Variants in PRKN observed in about 807,000 individuals in gnomAD.
PRKN encodes the protein parkin RBR E3 ubiquitin protein ligase, also known as E3 ubiquitin-protein ligase parkin.
PRKN carries 56 observed loss-of-function variants against 59.5 expected under a neutral mutation model. That is an observed-to-expected ratio of 0.94 (90% CI 0.76 to 1.18). PRKN has a LOEUF of 1.18. PRKN is among the 50% of genes most tolerant of loss of function. The pLI is 0.00. For synonymous variants in PRKN, 250 were observed against 222.1 expected, an observed-to-expected ratio of 1.13 and a Z score of -1.12; for missense variants, 657 against 596.4, an observed-to-expected ratio of 1.10 and a Z score of -1.06.
chr6:162,031,524 T>C (rs1446003837), intron 5 of PRKN, among the ~76,000 whole-genome samples: 1 of 147,162 alleles, frequency 6.8e-6, no homozygotes, highest in African/African-American at 2.7e-5. Flanking sequence ...CACTTTTCTT[T>C]TTCTTTTCTT....
Position 161,360,280 on chromosome 6 carries a change from T to A in PRKN, c.1168-75A>T. 1 of 1,172,544 alleles carries A rather than the reference T, an allele frequency of 8.5e-7. No individual in the cohort carries two copies. The highest frequency in any genetic ancestry group is 1.3e-6 in the Non-Finnish European group (1 of 776,900). 72.6% of individuals were successfully genotyped at this position (1,172,544 alleles called of 1,614,324 possible). On this transcript the variant is annotated intron_variant, in intron 10 of 11. Transcript: ENST00000366898. The surrounding 1 kb of genome is among the most constrained non-coding windows in gnomAD (Gnocchi z 5.1). ...GATCAGAGTTTATGTTCCCTGTACGTCGGTACAGGAAATTCTTGAAGACAG... is the reference window on the plus strand; with the variant it reads ...GATCAGAGTTTATGTTCCCTGTACGACGGTACAGGAAATTCTTGAAGACAG...
chr6:161,683,434 C>A (rs1482491767), intron 7 of PRKN, among the ~76,000 whole-genome samples: 7 of 152,218 alleles, frequency 4.6e-5, no homozygotes. Context: ...GTGGCAAGAG[C>A]TAGGCATCTC....
intron 1 of PRKN, among the ~76,000 whole-genome samples, chr6:162,547,495 C>G (rs757955946): frequency 3.3e-5 from 5 of 152,198 alleles, no homozygotes; most frequent in Non-Finnish European, 7.3e-5. Flanking sequence ...TTGAAGTAGG[C>G]AGCAATTCTT....
intron 6 of PRKN, among the ~76,000 whole-genome samples, chr6:161,944,438 C>T (rs1779707800): frequency 6.6e-6 from 1 of 151,698 alleles, no homozygotes; most frequent in South Asian, 2.1e-4. Context: ...TGCCTTGTTG[C>T]CCCATCACCA....
intron 3 of PRKN, among the ~76,000 whole-genome samples, chr6:162,241,481 G>A (rs1778988388): frequency 6.6e-6 from 1 of 152,008 alleles, no homozygotes; most frequent in Non-Finnish European, 1.5e-5. Flanking sequence ...GAATTAGAGA[G>A]GTTGTGATTG....
chr6:162,563,260 C>T (rs1025510921), intron 1 of PRKN, among the ~76,000 whole-genome samples: 15 of 151,472 alleles, frequency 9.9e-5, no homozygotes, highest in Admixed American at 2.6e-4. Context: ...GCTGAGATCG[C>T]GCCACTGCAC....
chr6:162,693,221 C>T (rs1026601349), intron 1 of PRKN, among the ~76,000 whole-genome samples: 1 of 152,068 alleles, frequency 6.6e-6, no homozygotes, highest in Non-Finnish European at 1.5e-5. Context: ...ATGTATGTGC[C>T]CAGCAGGGTC....
intron 10 of PRKN, among the ~76,000 whole-genome samples, chr6:161,382,255 G>A (rs1786026506): frequency 1.3e-5 from 2 of 152,132 alleles, no homozygotes; most frequent in African/African-American, 4.8e-5. Context: ...AAGCTTACAG[G>A]ATGTAGTGGG....
At chr6:161,963,980 G>A (rs1258150203) in intron 6 of PRKN, among the ~76,000 whole-genome samples, 1 of 152,056 alleles carries the variant, frequency 6.6e-6, no homozygotes, top group Non-Finnish European at 1.5e-5. Context: ...GGACAACAGC[G>A]AGTTCAACTT....
intron 6 of PRKN, among the ~76,000 whole-genome samples, chr6:161,924,012 G>C (rs1248006772): frequency 6.6e-6 from 1 of 152,106 alleles, no homozygotes; most frequent in East Asian, 1.9e-4. Context: ...TCTGTGTCTG[G>C]ACTTGAATCC....
At chr6:162,193,961 A>C (rs759448983) in intron 4 of PRKN, among the ~76,000 whole-genome samples, 3 of 152,222 alleles carry the variant, frequency 2.0e-5, no homozygotes, top group East Asian at 1.9e-4. Flanking sequence ...TATAAAATAC[A>C]GAAGATCCTA....
chr6:162,645,175 T>A (rs1047353466), intron 1 of PRKN, among the ~76,000 whole-genome samples: 1 of 152,210 alleles, frequency 6.6e-6, no homozygotes, highest in East Asian at 1.9e-4. Context: ...TATTGAATAC[T>A]GACAGCCTAA....
intron 7 of PRKN, among the ~76,000 whole-genome samples, chr6:161,614,894 A>C (rs7773136): frequency 0.73 from 111,035 of 151,898 alleles, 41,813 homozygotes; most frequent in African/African-American, 0.93. Context: ...GACCTCCCAG[A>C]ATTTCCTCCT....
intron 4 of PRKN, among the ~76,000 whole-genome samples, chr6:162,162,819 C>T (rs1297358180): frequency 1.3e-5 from 2 of 148,640 alleles, no homozygotes; most frequent in East Asian, 3.9e-4. Flanking sequence ...ACCAGCCTGG[C>T]CAATATGGTG....
rs1777759784 is a variant in PRKN, at chr6:162,054,104, G to A, written c.605C>T (p.Pro202Leu). 1 of 1,608,262 alleles carries A rather than the reference G, an allele frequency of 6.2e-7. No individual in the cohort carries two copies. Among genetic ancestry groups the A allele is most frequent in the African/African-American group, 1.3e-5 (1 of 74,886 alleles). Residue 202 changes from proline to leucine, a missense_variant, in exon 5 of 12, where the codon CCT becomes CTT. Pro to Leu is a moderately conservative substitution (Grantham distance 98, BLOSUM62 -3). Transcript: ENST00000366898. ...MSGECQSPHC[P>L]GTSAEFFFKC... Reference sequence around the variant, plus strand: ...CCAGGTACTTACTGCACTAGTCCCAGGGCAGTGTGGGGATTGGCATTCACC... The same window carrying A: ...CCAGGTACTTACTGCACTAGTCCCAAGGCAGTGTGGGGATTGGCATTCACC...
At chr6:161,645,986 C>T (rs1216619473) in intron 7 of PRKN, among the ~76,000 whole-genome samples, 1 of 126,432 alleles carries the variant, frequency 7.9e-6, no homozygotes, top group East Asian at 2.3e-4. Flanking sequence ...ACTGCGTGTG[C>T]GTGCGTGGCG....
intron 4 of PRKN, among the ~76,000 whole-genome samples, chr6:162,085,136 C>T (rs775342162): frequency 6.8e-6 from 1 of 147,838 alleles, no homozygotes; most frequent in South Asian, 2.2e-4. Flanking sequence ...GAGGAAAAAC[C>T]CAAATGGGAC....
At chr6:162,164,222 ATTTG>A (rs1304108046) in intron 4 of PRKN, among the ~76,000 whole-genome samples, 1 of 148,718 alleles carries the variant, frequency 6.7e-6, no homozygotes, top group Non-Finnish European at 1.5e-5. Flanking sequence ...CAACCTGTGT[ATTTG>A]TTTATTTGTT....
chr6:161,806,781 G>A (rs923344288), intron 6 of PRKN, among the ~76,000 whole-genome samples: 9 of 152,192 alleles, frequency 5.9e-5, no homozygotes, highest in Admixed American at 3.3e-4. Flanking sequence ...GGGGAATTTT[G>A]TTTAGAAATA....
Sources: gnomAD v4.1 joint callset for allele counts (sites outside exome capture counted in the v4.1 genomes callset) on GRCh38, gnomAD v4.1.1 for gene constraint, Gnocchi (gnomAD v3.1) non-coding constraint, MANE v1.5 for transcripts, NCBI Gene and HGNC (gene_info 2026-07-23, HGNC 2026-07-21) for gene names.